CNGA1: variants seen among roughly 807,000 people sequenced by gnomAD.
CNGA1 encodes the protein cyclic nucleotide gated channel subunit alpha 1.
CNGA1 carries 53 observed loss-of-function variants against 69.7 expected under a neutral mutation model. That is an observed-to-expected ratio of 0.76 (90% CI 0.61 to 0.96). The LOEUF (loss-of-function observed/expected upper bound fraction) is 0.96, where lower values mean the gene tolerates loss of function less well. CNGA1 is among the 40% of genes least tolerant of loss of function. The pLI is 0.00. For missense variants in CNGA1, 739 were observed against 811.2 expected (o/e 0.91, Z 1.08); for synonymous variants, 249 against 283.5 (o/e 0.88, Z 1.22).
At chr4:47,959,592 A>G (rs1357369441) in intron 3 of CNGA1, among the ~76,000 whole-genome samples, 5 of 152,196 alleles carry the variant, frequency 3.3e-5, no homozygotes, top group Non-Finnish European at 7.3e-5. Context: ...AAAGGGCACA[A>G]AAAAGACACT....
Position 47,937,810 on chromosome 4 carries a change from C to T in CNGA1, c.672G>A (p.Leu224=), listed in dbSNP as rs149504668. The T allele has an allele frequency of 5.5e-5, 89 of 1,611,708 alleles. No homozygotes were observed. The East Asian group carries it at 1.9e-3, about 34-fold the overall frequency. The change falls in exon 11 of 11, where the codon CTG becomes CTA. Residue 224 remains leucine, a synonymous_variant. Coordinates refer to ENST00000514170, the MANE Select transcript of CNGA1 (RefSeq NM_001379270.1). The part of the protein sequence containing the change: ...RTRTGYLEQG[L]LVKEELKLIN... ...TGAGTTTAAGTTCTTCCTTTACCAG[C>T]AGTCCTTGTTCTAGGTAACCTAAAA...
rs2110129800 is a variant in CNGA1 at position 47,937,455 on chromosome 4, T to C, written c.1027A>G (p.Arg343Gly). 6.2e-7 allele frequency: 1 copy of C among 1,614,202 alleles called. No homozygotes were observed. Among genetic ancestry groups the C allele is most frequent in the East Asian group, 2.2e-5 (1 of 44,874 alleles). Reference sequence around the variant, plus strand: ...CAGTAAAGGCTGTATACGTATTTTCTAGCCAAACGGCCAAATTCAGGATCA... The same window carrying C: ...CAGTAAAGGCTGTATACGTATTTTCCAGCCAAACGGCCAAATTCAGGATCA... Reference protein sequence around the residue: ...INDPEFGRLARKYVYSLYWST... With the variant: ...INDPEFGRLAGKYVYSLYWST... The change falls in exon 11 of 11, where the codon AGA (arginine) becomes GGA (glycine). Residue 343 changes from arginine (R) to glycine (G), a missense_variant. Physicochemically the swap from Arg to Gly is moderately radical, Grantham distance 125 (BLOSUM62 -2). Coordinates refer to ENST00000514170, the MANE Select transcript of CNGA1 (RefSeq NM_001379270.1).
chr4:47,991,518 T>C (rs947582862), intron 2 of CNGA1, among the ~76,000 whole-genome samples: 1 of 152,202 alleles, frequency 6.6e-6, no homozygotes, highest in African/African-American at 2.4e-5. Context: ...GAATTGTTTG[T>C]TTTTTTCTTG....
intron 3 of CNGA1, among the ~76,000 whole-genome samples, chr4:47,963,370 A>T (rs748647921): frequency 5.3e-5 from 8 of 152,220 alleles, no homozygotes; most frequent in Non-Finnish European, 1.2e-4. Context: ...TTCAAATGTC[A>T]CTTGAGCCAA....
intron 3 of CNGA1, among the ~76,000 whole-genome samples, chr4:47,954,483 G>A (rs1739941808): frequency 6.6e-6 from 1 of 152,202 alleles, no homozygotes; most frequent in Non-Finnish European, 1.5e-5. Flanking sequence ...GCAGCGGCGG[G>A]GGAGGGGACC....
chr4:47,967,991 C>G (rs1740817041), intron 3 of CNGA1, among the ~76,000 whole-genome samples: 1 of 151,758 alleles, frequency 6.6e-6, no homozygotes, highest in African/African-American at 2.4e-5. Flanking sequence ...AAAAAAAATA[C>G]ACATGCCAAG....
intron 2 of CNGA1, among the ~76,000 whole-genome samples, chr4:48,008,534 A>G (rs1715021384): frequency 1.3e-5 from 2 of 152,312 alleles, no homozygotes; most frequent in Non-Finnish European, 2.9e-5. Context: ...TTTTTATTGG[A>G]AAATACCTAA....
chr4:48,011,337 G>C (rs1411415310), intron 1 of CNGA1, among the ~76,000 whole-genome samples: 3 of 145,340 alleles, frequency 2.1e-5, no homozygotes, highest in Non-Finnish European at 3.0e-5. Context: ...CAAGGTCCTG[G>C]GAGAGAAAAA....
intron 3 of CNGA1, among the ~76,000 whole-genome samples, chr4:47,978,562 T>C (rs1393367207): frequency 6.6e-6 from 1 of 152,170 alleles, no homozygotes; most frequent in East Asian, 1.9e-4. Context: ...TTCCTAAGTA[T>C]CTTGTCAGTT....
At position 47,971,938 on chromosome 4, in the gene CNGA1, C is replaced by A. The variant is rs1578099381; in HGVS notation, c.-15+9455G>T. 2.6e-5 allele frequency among the ~76,000 whole-genome samples: 4 copies of A among 152,048 alleles called. 1 individual carries two copies. Among genetic ancestry groups the A allele is most frequent in the Admixed American group, 1.3e-4 (2 of 15,236 alleles). ...CAAACAACAACAACAACAACAAAAA[C>A]CACTGTAATCTCCCAGTCCCTTCCC... On this transcript the variant is annotated intron_variant, in intron 3 of 10. Transcript: ENST00000514170.
intron 9 of CNGA1, 50 bp downstream of exon 9, chr4:47,941,991 C>G: frequency 8.6e-7 from 1 of 1,164,686 alleles, no homozygotes; most frequent in Non-Finnish European, 1.2e-6. Context: ...AACTTGGAAA[C>G]TAGAAATGGG....
rs145371267 is a variant in CNGA1, at chr4:47,972,093, A to G, written c.-15+9300T>C. 2.0e-5 allele frequency among the ~76,000 whole-genome samples: 3 copies of G among 152,312 alleles called. No homozygotes were observed. In the East Asian group the frequency reaches 5.8e-4, roughly 29 times the overall value. On this transcript the variant is annotated intron_variant, in intron 3 of 10. Transcript: ENST00000514170. Reference sequence around the variant, plus strand: ...TTTGCACATGTATTTTAAGTTTGCAAAGCAGTATCTTCCTCTATGCATAAT... The same window carrying G: ...TTTGCACATGTATTTTAAGTTTGCAGAGCAGTATCTTCCTCTATGCATAAT...
chr4:47,969,481 T>G lies in CNGA1; in HGVS notation c.-15+11912A>C, dbSNP rs138962645. Reference sequence around the variant, plus strand: ...TGTTTTTTGTTTTTTCGTTTTTTTGTTTTTTTTAGATGGAGTCTTGCTCTG... The same window carrying G: ...TGTTTTTTGTTTTTTCGTTTTTTTGGTTTTTTTAGATGGAGTCTTGCTCTG... On this transcript the variant is annotated intron_variant, in intron 3 of 10. Coordinates refer to ENST00000514170, the MANE Select transcript of CNGA1 (RefSeq NM_001379270.1). Among the ~76,000 whole-genome samples the G allele has an allele frequency of 8.2e-4, 124 of 151,980 alleles. No homozygotes were observed. In the East Asian group the frequency reaches 0.015, roughly 18 times the overall value.
chr4:47,943,094 C>A, intron 8 of CNGA1, 87 bp downstream of exon 8: 1 of 934,482 alleles, frequency 1.1e-6, no homozygotes. Flanking sequence ...TATAAAGTTT[C>A]TTTCTACTTT....
At chr4:47,992,657 ATTATTTATTTATTTAT>A (rs144346141) in intron 2 of CNGA1, among the ~76,000 whole-genome samples, 4 of 145,256 alleles carry the variant, frequency 2.8e-5, no homozygotes, top group Non-Finnish European at 6.0e-5. Context: ...GATGCCATTT[ATTATTTATTTATTTAT>A]TTATTTATTT....
At chr4:47,972,290 G>T (rs1325916980) in intron 3 of CNGA1, among the ~76,000 whole-genome samples, 1 of 152,064 alleles carries the variant, frequency 6.6e-6, no homozygotes, top group African/African-American at 2.4e-5. Context: ...AGGATTGGTT[G>T]TTTCCATTTC....
In CNGA1 at chr4:47,937,334, A is replaced by G. The variant is rs767346086; in HGVS notation, c.1148T>C (p.Leu383Ser). Residue 383 changes from leucine (L) to serine (S), a missense_variant, in exon 11 of 11, where the codon TTA becomes TCA. Leu to Ser is a moderately radical substitution (Grantham distance 145, BLOSUM62 -2). Coordinates refer to ENST00000514170, the MANE Select transcript of CNGA1 (RefSeq NM_001379270.1). ...GTTACCAACGATGGTAGCAAAAATTAACACTCCAATTAGGAAATCAACCAC... is the reference window on the plus strand; with the variant it reads ...GTTACCAACGATGGTAGCAAAAATTGACACTCCAATTAGGAAATCAACCAC... Reference protein sequence around the residue: ...FVVVDFLIGVLIFATIVGNIG... With the variant: ...FVVVDFLIGVSIFATIVGNIG... 4 of 1,614,112 alleles carry G rather than the reference A, an allele frequency of 2.5e-6. No homozygotes were observed. The Middle Eastern group carries it at 4.9e-4, about 200-fold the overall frequency.
chr4:47,941,731 G>A (rs1739086931), intron 9 of CNGA1, among the ~76,000 whole-genome samples: 1 of 151,950 alleles, frequency 6.6e-6, no homozygotes, highest in South Asian at 2.1e-4. Context: ...TGTGACACGA[G>A]TTTACCTATA....
At chr4:48,002,705 A>C (rs1714717846) in intron 2 of CNGA1, among the ~76,000 whole-genome samples, 1 of 151,242 alleles carries the variant, frequency 6.6e-6, no homozygotes, top group African/African-American at 2.4e-5. Flanking sequence ...AAAAACAAAA[A>C]CAAAAAACCC....
Sources: allele counts gnomAD v4.1 joint callset (sites outside exome capture counted in the v4.1 genomes callset), GRCh38; gene constraint gnomAD v4.1.1; transcripts MANE v1.5; gene names NCBI Gene and HGNC (gene_info 2026-07-23, HGNC 2026-07-21).